Variants in KSR2 observed in about 807,000 individuals in gnomAD.
KSR2 encodes the protein kinase suppressor of ras 2.
In KSR2, 25 loss-of-function variants were observed where a neutral mutation model predicts 107.8. The ratio of observed to expected loss-of-function variants is 0.23; its 90% CI spans 0.17 to 0.32. KSR2 has a LOEUF of 0.32. KSR2 is among the 10% of genes least tolerant of loss of function. The probability of loss-of-function intolerance (pLI) is 1.00; values close to 1 mark genes in which losing one functional copy is unlikely to be tolerated. For synonymous variants in KSR2, 480 were observed against 507.0 expected (o/e 0.95, Z 0.71); for missense variants, 887 against 1,268.9 (o/e 0.70, Z 4.57).
At chr12:117,715,190 A>G (rs1034706705) in intron 4 of KSR2, among the ~76,000 whole-genome samples, 20 of 152,188 alleles carry the variant, frequency 1.3e-4, no homozygotes, top group Non-Finnish European at 2.4e-4. Flanking sequence ...CTCTCCAGTG[A>G]GGCAATAAGA....
chr12:117,791,518 A>G (rs1242045318), intron 3 of KSR2, among the ~76,000 whole-genome samples: 4 of 152,198 alleles, frequency 2.6e-5, no homozygotes, highest in African/African-American at 7.2e-5. Context: ...TACTGAGTGA[A>G]TGAATGAATG....
chr12:117,749,930 C>T (rs1888551402), intron 4 of KSR2, among the ~76,000 whole-genome samples: 2 of 152,092 alleles, frequency 1.3e-5, no homozygotes, highest in South Asian at 2.1e-4. Flanking sequence ...TAGGTCAATG[C>T]TGAATGGGAA....
At chr12:117,599,629 C>G (rs1880825944) in intron 5 of KSR2, among the ~76,000 whole-genome samples, 1 of 152,044 alleles carries the variant, frequency 6.6e-6, no homozygotes, top group Non-Finnish European at 1.5e-5. Context: ...TACTAGATGC[C>G]AGAAGCACTG....
intron 4 of KSR2, among the ~76,000 whole-genome samples, chr12:117,693,529 T>G (rs966692792): frequency 6.6e-6 from 1 of 152,174 alleles, no homozygotes; most frequent in African/African-American, 2.4e-5. Flanking sequence ...AAAGACCACC[T>G]CAAGGTCTGG....
rs79992733 is a variant in KSR2, at chr12:117,641,439, C to G, written c.1171+26035G>C. On this transcript the variant is annotated intron_variant, in intron 5 of 19. Transcript: ENST00000339824. ...CCACTAGTAGAATCTTTCCCTGCCT[C>G]TTCCTAGTTTCTGGTAGCTGTCCTT... Among the ~76,000 whole-genome samples the G allele has an allele frequency of 4.2e-4, 64 of 152,284 alleles. No individual in the cohort carries two copies. The East Asian group carries it at 0.012, about 28-fold the overall frequency.
chr12:117,774,856 C>T (rs562447018), intron 3 of KSR2, among the ~76,000 whole-genome samples: 2 of 152,288 alleles, frequency 1.3e-5, no homozygotes, highest in African/African-American at 4.8e-5. Context: ...AAGCCCTAAA[C>T]TATTTTCTGT....
chr12:117,672,006 G>A (rs996250376), intron 4 of KSR2, among the ~76,000 whole-genome samples: 1 of 152,242 alleles, frequency 6.6e-6, no homozygotes, highest in Non-Finnish European at 1.5e-5. Flanking sequence ...AAGCATGCCT[G>A]CAAAGTCCTT....
At chr12:117,652,324 A>G (rs1384473402) in intron 5 of KSR2, among the ~76,000 whole-genome samples, 1 of 152,168 alleles carries the variant, frequency 6.6e-6, no homozygotes, top group Non-Finnish European at 1.5e-5. Context: ...TAAAAATAAT[A>G]ATAATTTAAA....
intron 5 of KSR2, among the ~76,000 whole-genome samples, chr12:117,589,836 A>G (rs969213055): frequency 4.6e-5 from 7 of 152,190 alleles, no homozygotes; most frequent in Admixed American, 1.3e-4. Context: ...GTGCTTCTTC[A>G]TGGAGTTGGA....
rs371702381 is a variant in KSR2, at chr12:117,485,642, C to T, written c.2269G>A (p.Val757Ile). 3.2e-5 allele frequency: 51 copies of T among 1,613,616 alleles called. No homozygotes were observed. Among genetic ancestry groups the T allele is most frequent in the African/African-American group, 3.1e-4 (23 of 75,044 alleles). The change falls in exon 15 of 20, where the codon GTT becomes ATT. Residue 757 changes from valine (V) to isoleucine (I), a missense_variant. Coordinates refer to ENST00000339824, the MANE Select transcript of KSR2 (RefSeq NM_173598.6). ...TGCCTGGTTTTGTTGACATCCAAAA[C>T]GATTTTGGCATCCCTCACAACGGAA... is the stretch of plus-strand genomic sequence containing the variant. The part of the protein sequence containing the change: ...LYSVVRDAKI[V>I]LDVNKTRQIA...
chr12:117,731,989 C>G (rs888665043), intron 4 of KSR2, among the ~76,000 whole-genome samples: 8 of 149,862 alleles, frequency 5.3e-5, no homozygotes, highest in South Asian at 4.3e-4. Context: ...TCCTATGACC[C>G]TGCCAAATCC....
At chr12:117,563,901 C>G (rs1363161688) in intron 7 of KSR2, among the ~76,000 whole-genome samples, 2 of 152,196 alleles carry the variant, frequency 1.3e-5, no homozygotes. Flanking sequence ...CTCACTTCCC[C>G]ATTCCTCTAT....
At chr12:117,694,632 C>T (rs1885971966) in intron 4 of KSR2, among the ~76,000 whole-genome samples, 1 of 152,136 alleles carries the variant, frequency 6.6e-6, no homozygotes, top group South Asian at 2.1e-4. Flanking sequence ...ATGTTCACAG[C>T]AGCATTATTC....
At chr12:117,888,305 G>A (rs1045102738) in intron 1 of KSR2, among the ~76,000 whole-genome samples, 2 of 152,032 alleles carry the variant, frequency 1.3e-5, no homozygotes, top group Non-Finnish European at 2.9e-5. Context: ...ACAAATAAAT[G>A]TTCCACCATA....
intron 4 of KSR2, among the ~76,000 whole-genome samples, chr12:117,728,967 G>T (rs1470735318): frequency 6.6e-6 from 1 of 152,200 alleles, no homozygotes; most frequent in Non-Finnish European, 1.5e-5. Context: ...ATAATTTGTT[G>T]TAAGAGATAC....
intron 7 of KSR2, among the ~76,000 whole-genome samples, chr12:117,567,347 G>T (rs568973288): frequency 6.6e-6 from 1 of 152,136 alleles, no homozygotes; most frequent in Non-Finnish European, 1.5e-5. Context: ...CACATGACCT[G>T]CCACGGGGAT....
chr12:117,575,818 T>C lies in KSR2; in HGVS notation c.1325+3301A>G, dbSNP rs116256718. Among the ~76,000 whole-genome samples the C allele has an allele frequency of 3.0e-3, 454 of 152,344 alleles. 6 individuals are homozygous for C. Among genetic ancestry groups the C allele is most frequent in the African/African-American group, 0.01 (434 of 41,576 alleles). On this transcript the variant is annotated intron_variant, in intron 7 of 19. Coordinates refer to ENST00000339824, the MANE Select transcript of KSR2 (RefSeq NM_173598.6). ...GGGAAGAATGTTCTCTGATAAAACA[T>C]TGCCATCTGGAGCATGGACATTTAA...
intron 3 of KSR2, among the ~76,000 whole-genome samples, chr12:117,765,641 T>C (rs545149335): frequency 2.7e-4 from 41 of 152,280 alleles, no homozygotes; most frequent in Non-Finnish European, 5.7e-4. Flanking sequence ...CTCACATTCT[T>C]AGTAGGGAAA....
At chr12:117,488,561 T>G (rs1000805275) in intron 14 of KSR2, among the ~76,000 whole-genome samples, 4 of 152,208 alleles carry the variant, frequency 2.6e-5, no homozygotes, top group African/African-American at 9.6e-5. Context: ...CAGCTAGTTC[T>G]CTTGCTGTTT....
Sources: allele counts gnomAD v4.1 joint callset (sites outside exome capture counted in the v4.1 genomes callset), GRCh38; gene constraint gnomAD v4.1.1; transcripts MANE v1.5; gene names NCBI Gene and HGNC (gene_info 2026-07-23, HGNC 2026-07-21).